Variants in CARMIL1 observed in about 807,000 individuals in gnomAD.
CARMIL1 encodes the protein capping protein regulator and myosin 1 linker 1.
CARMIL1 carries 90 observed loss-of-function variants against 177.1 expected under a neutral mutation model. The ratio of observed to expected loss-of-function variants is 0.51; its 90% CI spans 0.43 to 0.61. The LOEUF (loss-of-function observed/expected upper bound fraction) is 0.61, where lower values mean the gene tolerates loss of function less well. CARMIL1 is among the 20% of genes least tolerant of loss of function. CARMIL1 has a pLI of 0.00. For synonymous variants in CARMIL1, 577 were observed against 606.2 expected (o/e 0.95, Z 0.71); for missense variants, 1,380 against 1,667.0 (o/e 0.83, Z 3.00).
At chr6:25,313,004 G>T (rs545000149) in intron 2 of CARMIL1, among the ~76,000 whole-genome samples, 1 of 152,002 alleles carries the variant, frequency 6.6e-6, no homozygotes, top group South Asian at 2.1e-4. Context: ...TTTTATCAAG[G>T]TTTACATTTA....
At chr6:25,527,746 T>C in intron 23 of CARMIL1, 1 of 417,684 alleles carries the variant, frequency 2.4e-6, no homozygotes, top group East Asian at 7.3e-5. Context: ...TTTGTTCTGC[T>C]TTATATTTTC....
chr6:25,426,638 A>G (rs1796306020), intron 4 of CARMIL1, 78 bp downstream of exon 4: 7 of 1,322,444 alleles, frequency 5.3e-6, no homozygotes, highest in Admixed American at 3.8e-5. Context: ...CCTTGAGACA[A>G]TGTGGATAAA....
chr6:25,415,388 T>C (rs1390737329), intron 2 of CARMIL1, among the ~76,000 whole-genome samples: 1 of 151,960 alleles, frequency 6.6e-6, no homozygotes, highest in Non-Finnish European at 1.5e-5. Context: ...TCTAGAAACT[T>C]CCTATGGTGA....
intron 2 of CARMIL1, among the ~76,000 whole-genome samples, chr6:25,334,417 T>C (rs1786008179): frequency 1.3e-5 from 2 of 152,240 alleles, no homozygotes; most frequent in African/African-American, 2.4e-5. Context: ...AAATTGCTTT[T>C]TGGCTTTTAT....
chr6:25,297,906 G>A (rs1052802426), intron 2 of CARMIL1, among the ~76,000 whole-genome samples: 1 of 152,116 alleles, frequency 6.6e-6, no homozygotes, highest in African/African-American at 2.4e-5. Flanking sequence ...CTTAAATTCA[G>A]GAATGGCTTC....
At chr6:25,399,170 A>T (rs1423350865) in intron 2 of CARMIL1, among the ~76,000 whole-genome samples, 1 of 152,232 alleles carries the variant, frequency 6.6e-6, no homozygotes, top group African/African-American at 2.4e-5. Flanking sequence ...CAGGATGCAC[A>T]GCCTTTTGTG....
chr6:25,530,270 A>G (rs1426992779), intron 24 of CARMIL1, among the ~76,000 whole-genome samples: 1 of 152,130 alleles, frequency 6.6e-6, no homozygotes, highest in African/African-American at 2.4e-5. Context: ...TGCAATCTCA[A>G]CGCTTGGGAG....
intron 5 of CARMIL1, 149 bp downstream of exon 5, chr6:25,435,753 A>T (rs1368797815): frequency 1.0e-6 from 1 of 1,001,390 alleles, no homozygotes; most frequent in East Asian, 3.0e-5. Context: ...AACCCTTATC[A>T]AAACCCTTGT....
chr6:25,497,824 A>G (rs1400665938), intron 16 of CARMIL1, among the ~76,000 whole-genome samples: 1 of 152,180 alleles, frequency 6.6e-6, no homozygotes, highest in African/African-American at 2.4e-5. Flanking sequence ...GAATTGGGGA[A>G]GTAGAGTGTT....
At chr6:25,291,100 A>G (rs1781927917) in intron 2 of CARMIL1, among the ~76,000 whole-genome samples, 2 of 152,160 alleles carry the variant, frequency 1.3e-5, no homozygotes, top group African/African-American at 2.4e-5. Flanking sequence ...GCATGAGCCA[A>G]TGCACCAGGC....
At chr6:25,418,442 AC>A (rs1369022585) in intron 2 of CARMIL1, among the ~76,000 whole-genome samples, 1 of 151,758 alleles carries the variant, frequency 6.6e-6, no homozygotes, top group Non-Finnish European at 1.5e-5. Flanking sequence ...ACCGAGCTGC[AC>A]TTGACCTCCC....
At chr6:25,550,848 T>A in intron 26 of CARMIL1, 62 bp from the exon 27 acceptor site, 15 of 1,460,130 alleles carry the variant, frequency 1.0e-5, no homozygotes, top group Non-Finnish European at 1.2e-5. Flanking sequence ...CCTTTCAGTT[T>A]TATGGCGGGC....
intron 2 of CARMIL1, among the ~76,000 whole-genome samples, chr6:25,380,934 C>T (rs1422403099): frequency 2.0e-5 from 3 of 152,062 alleles, no homozygotes; most frequent in Admixed American, 2.0e-4. Context: ...TGAGGGTACA[C>T]CTATCTTTTT....
chr6:25,296,917 C>G (rs1782415011), intron 2 of CARMIL1, among the ~76,000 whole-genome samples: 1 of 35,302 alleles, frequency 2.8e-5, no homozygotes, highest in Admixed American at 3.6e-4. Flanking sequence ...ATCTATCTAT[C>G]TATCTATCTA....
At chr6:25,488,109 C>T (rs146652708) in intron 12 of CARMIL1, among the ~76,000 whole-genome samples, 67 of 152,268 alleles carry the variant, frequency 4.4e-4, no homozygotes, top group Non-Finnish European at 7.4e-4. Context: ...ATCATTTAAA[C>T]ACCAGGCACT....
intron 2 of CARMIL1, among the ~76,000 whole-genome samples, chr6:25,292,686 A>T (rs143913487): frequency 2.6e-5 from 4 of 152,178 alleles, no homozygotes; most frequent in African/African-American, 9.7e-5. Context: ...GCTGTTGAAC[A>T]TACACCAGGC....
intron 20 of CARMIL1, among the ~76,000 whole-genome samples, chr6:25,514,480 G>A (rs1805772441): frequency 6.8e-6 from 1 of 147,560 alleles, no homozygotes; most frequent in African/African-American, 2.5e-5. Context: ...CTGGGAGGCG[G>A]AGGTTGCAGT....
chr6:25,570,794 G>A (rs1321624559), intron 29 of CARMIL1, among the ~76,000 whole-genome samples: 1 of 152,172 alleles, frequency 6.6e-6, no homozygotes, highest in East Asian at 1.9e-4. Flanking sequence ...GTTGTGTTTA[G>A]TAGGAAATGT....
chr6:25,610,224 C>A, intron 36 of CARMIL1, 43 bp downstream of exon 36: 4 of 1,559,282 alleles, frequency 2.6e-6, no homozygotes, highest in Non-Finnish European at 3.5e-6. Flanking sequence ...TAGCTCTCCC[C>A]AAGGAGGGAC....
Sources: allele counts gnomAD v4.1 joint callset (sites outside exome capture counted in the v4.1 genomes callset), GRCh38; gene constraint gnomAD v4.1.1; transcripts MANE v1.5; gene names NCBI Gene and HGNC (gene_info 2026-07-23, HGNC 2026-07-21).